The following APOOL variants were observed in gnomAD, a reference collection of about 807,000 sequenced individuals.
The protein encoded by APOOL is MICOS complex subunit MIC27.
A neutral mutation model predicts 23.1 loss-of-function variants in APOOL; 12 were observed. The observed-to-expected ratio is 0.52, with a 90% CI of 0.33 to 0.84. APOOL has a LOEUF of 0.84. APOOL is among the 40% of genes least tolerant of loss of function. The probability of loss-of-function intolerance (pLI) is 0.02; values close to 1 mark genes in which losing one functional copy is unlikely to be tolerated. For synonymous variants in APOOL, 77 were observed against 69.9 expected, an observed-to-expected ratio of 1.10 and a Z score of -0.51; for missense variants, 212 against 199.6, an observed-to-expected ratio of 1.06 and a Z score of -0.37.
In APOOL at chrX:85,069,438, C is replaced by T. The variant is rs181771046; in HGVS notation, c.486+2220C>T. 3.1e-3 allele frequency among the ~76,000 whole-genome samples: 334 copies of T among 108,042 alleles called. 1 individual carries two copies. Among genetic ancestry groups the T allele is most frequent in the Non-Finnish European group, 4.8e-3 (250 of 52,302 alleles). 93.8% of individuals were successfully genotyped at this position (108,042 alleles called of 115,157 possible). A position where few individuals can be genotyped will look rare whatever the true frequency, so the allele number is the denominator to read the frequency against. On this transcript the variant is annotated intron_variant, in intron 6 of 8. Transcript: ENST00000373173. The stretch of plus-strand genomic sequence containing the variant: ...CGGCATGACCAATGTGTTGAAACCC[C>T]GTCTCTAGTAAAAATACAAAAATTA...
At chrX:85,068,676 G>C (rs575440353) in intron 6 of APOOL, among the ~76,000 whole-genome samples, 1 of 111,109 alleles carries the variant, frequency 9.0e-6, no homozygotes, top group Non-Finnish European at 1.9e-5. Flanking sequence ...AAAGTGCTGG[G>C]ATTACAGGCG....
intron 8 of APOOL, among the ~76,000 whole-genome samples, chrX:85,077,050 T>TAC (rs1491502350): frequency 1.2e-5 from 1 of 83,649 alleles, no homozygotes; most frequent in African/African-American, 5.0e-5. Context: ...TATACGTATA[T>TAC]GTATATACAC....
At chrX:85,048,181 C>T (rs1049761176) in intron 2 of APOOL, among the ~76,000 whole-genome samples, 1 of 111,069 alleles carries the variant, frequency 9.0e-6, no homozygotes, top group East Asian at 2.8e-4. Context: ...TTCTAAGCTC[C>T]TCTTATATAT....
intron 3 of APOOL, 132 bp from the exon 4 acceptor site, chrX:85,054,212 G>A (rs1374857565): frequency 9.3e-6 from 5 of 540,434 alleles, no homozygotes; most frequent in Admixed American, 4.1e-5. Flanking sequence ...GAATACATAG[G>A]AAAGCTGGAT....
chrX:85,093,210 G>C lies in APOOL; in HGVS notation c.*5532G>C. Reference sequence around the variant, plus strand: ...CTGACTTAGCCTCTTCAGCATTTCAGCTCCAATACCTAGGCCTTTTAAATA... The same window carrying C: ...CTGACTTAGCCTCTTCAGCATTTCACCTCCAATACCTAGGCCTTTTAAATA... On this transcript the variant is annotated 3_prime_UTR_variant, in exon 9 of 9. Coordinates refer to ENST00000373173, the MANE Select transcript of APOOL (RefSeq NM_198450.6). 1 of 1,164,704 alleles carries C rather than the reference G, an allele frequency of 8.6e-7. No individual in the cohort carries two copies. Among genetic ancestry groups the C allele is most frequent in the Non-Finnish European group, 1.1e-6 (1 of 870,753 alleles).
chrX:85,026,492 G>T (rs1921847824), intron 1 of APOOL, among the ~76,000 whole-genome samples: 1 of 112,728 alleles, frequency 8.9e-6, no homozygotes, highest in African/African-American at 3.2e-5. Context: ...CTTTTTCTTT[G>T]TCTGCCACAT....
intron 8 of APOOL, among the ~76,000 whole-genome samples, chrX:85,079,281 T>C (rs951910230): frequency 8.9e-6 from 1 of 111,849 alleles, no homozygotes; most frequent in African/African-American, 3.3e-5. Context: ...GTCTAGTTTA[T>C]TGAGAGTTTT....
intron 8 of APOOL, among the ~76,000 whole-genome samples, chrX:85,086,345 T>C (rs2147670803): frequency 8.9e-6 from 1 of 111,813 alleles, no homozygotes; most frequent in East Asian, 2.8e-4. Context: ...GACTCATTTG[T>C]ACTCAGATGT....
intron 2 of APOOL, among the ~76,000 whole-genome samples, chrX:85,050,763 A>G (rs970939195): frequency 2.7e-5 from 3 of 110,537 alleles, no homozygotes; most frequent in Non-Finnish European, 5.7e-5. Flanking sequence ...GATGATGATA[A>G]TGATGTACAA....
intron 2 of APOOL, among the ~76,000 whole-genome samples, chrX:85,047,260 A>G (rs1161488464): frequency 1.8e-5 from 2 of 111,890 alleles, no homozygotes; most frequent in Non-Finnish European, 3.8e-5. Context: ...TTTCTCATAC[A>G]TCACAGCTTT....
chrX:85,022,065 G>A (rs1456121686), intron 1 of APOOL, among the ~76,000 whole-genome samples: 1 of 112,065 alleles, frequency 8.9e-6, no homozygotes, highest in Non-Finnish European at 1.9e-5. Flanking sequence ...TCTGAACAGA[G>A]CGCTAATGAA....
chrX:85,051,649 C>A, intron 3 of APOOL, 141 bp downstream of exon 3: 1 of 871,937 alleles, frequency 1.1e-6, no homozygotes, highest in South Asian at 2.5e-5. Flanking sequence ...TTTTGTAAGT[C>A]ATGAATTTGA....
intron 1 of APOOL, among the ~76,000 whole-genome samples, chrX:85,020,586 G>A (rs1352624009): frequency 9.0e-6 from 1 of 111,470 alleles, no homozygotes; most frequent in Non-Finnish European, 1.9e-5. Context: ...TTATGCAGCA[G>A]ACTTGGTCTC....
intron 8 of APOOL, among the ~76,000 whole-genome samples, chrX:85,080,097 T>C (rs56751996): frequency 1.2e-4 from 13 of 111,673 alleles, no homozygotes; most frequent in Non-Finnish European, 1.9e-4. Flanking sequence ...TTTTTCAGTT[T>C]TGCTCTGATC....
intron 3 of APOOL, among the ~76,000 whole-genome samples, chrX:85,053,298 A>G (rs934265709): frequency 1.8e-5 from 2 of 111,847 alleles, no homozygotes; most frequent in Non-Finnish European, 3.8e-5. Context: ...TGAAGGTGAA[A>G]TATTCTCAAG....
chrX:85,062,230 A>G (rs1399857965), intron 5 of APOOL, among the ~76,000 whole-genome samples: 1 of 111,085 alleles, frequency 9.0e-6, no homozygotes, highest in African/African-American at 3.3e-5. Context: ...TTTTTTTCTT[A>G]TAAATCTGCT....
intron 2 of APOOL, 135 bp downstream of exon 2, chrX:85,046,685 A>G: frequency 1.2e-5 from 6 of 514,929 alleles, no homozygotes; most frequent in Non-Finnish European, 1.9e-5. Flanking sequence ...GTTGAGAGAA[A>G]TAGTTATGAA....
chrX:85,079,314 T>C lies in APOOL; in HGVS notation c.718+4923T>C, dbSNP rs757853502. On this transcript the variant is annotated intron_variant, in intron 8 of 8. Coordinates refer to ENST00000373173, the MANE Select transcript of APOOL (RefSeq NM_198450.6). ...TTTTAACAGGAAGGGCAGTTGAATTTTGTCGAAGGGTTTTCTGCATCTATT... is the reference window on the plus strand; with the variant it reads ...TTTTAACAGGAAGGGCAGTTGAATTCTGTCGAAGGGTTTTCTGCATCTATT... 7.1e-5 allele frequency among the ~76,000 whole-genome samples: 8 copies of C among 112,007 alleles called. No homozygotes were observed. The South Asian group carries it at 1.9e-3, about 26-fold the overall frequency.
chrX:85,056,753 A>T (rs1243438692), intron 5 of APOOL, among the ~76,000 whole-genome samples: 1 of 111,974 alleles, frequency 8.9e-6, no homozygotes, highest in East Asian at 2.8e-4. Context: ...CAAAAAAAAA[A>T]TATTTTAAAA....
Sources: allele counts gnomAD v4.1 joint callset (sites outside exome capture counted in the v4.1 genomes callset), GRCh38; gene constraint gnomAD v4.1.1; transcripts MANE v1.5; gene names NCBI Gene and HGNC (gene_info 2026-07-23, HGNC 2026-07-21).